Variants in CUX1 observed in about 807,000 individuals in gnomAD.
CUX1 encodes protein CASP.
A neutral mutation model predicts 158.8 loss-of-function variants in CUX1; 31 were observed. That is an observed-to-expected ratio of 0.20 (90% CI 0.15 to 0.26). The LOEUF is 0.26. CUX1 is among the 10% of genes least tolerant of loss of function. The probability of loss-of-function intolerance (pLI) is 1.00; values close to 1 mark genes in which losing one functional copy is unlikely to be tolerated. For synonymous variants in CUX1, 879 were observed against 862.1 expected, an observed-to-expected ratio of 1.02 and a Z score of -0.34; for missense variants, 1,589 against 2,014.6, an observed-to-expected ratio of 0.79 and a Z score of 4.04.
chr7:102,233,832 G>A (rs896415253), intron 21 of CUX1, among the ~76,000 whole-genome samples: 2 of 152,080 alleles, frequency 1.3e-5, no homozygotes, highest in East Asian at 1.9e-4. Flanking sequence ...TTGTGTGTAC[G>A]GAGAATGCAA....
intron 20 of CUX1, among the ~76,000 whole-genome samples, chr7:102,208,962 T>C (rs567063039): frequency 2.0e-5 from 3 of 152,312 alleles, no homozygotes; most frequent in Admixed American, 2.0e-4. Flanking sequence ...GCAGGGACTT[T>C]GGACAACTTG....
chr7:102,223,652 T>C (rs1240802700), intron 20 of CUX1, among the ~76,000 whole-genome samples: 1 of 151,984 alleles, frequency 6.6e-6, no homozygotes, highest in East Asian at 1.9e-4. Context: ...CTCTGTTCCA[T>C]GCAATTAAAA....
rs938119813 is a variant in CUX1 at position 102,254,143 on chromosome 7, C to T, written c.*5101C>T. The T allele has an allele frequency of 3.0e-6, 3 of 985,328 alleles. No homozygotes were observed. The highest frequency in any genetic ancestry group is 3.6e-6 in the Non-Finnish European group (3 of 829,964). The allele number at this position is 985,328 out of a possible 1,614,324, so 61.0% of individuals were successfully genotyped here. On this transcript the variant is annotated 3_prime_UTR_variant, in exon 24 of 24. Transcript: ENST00000292535. ...GCAAGGCACACGGATGTTTCCCTTCCACCTGTTCCCAAAGCTCCAGCAGCT... is the reference window on the plus strand; with the variant it reads ...GCAAGGCACACGGATGTTTCCCTTCTACCTGTTCCCAAAGCTCCAGCAGCT...
chr7:102,187,354 C>A (rs1034635830), intron 11 of CUX1, among the ~76,000 whole-genome samples: 1 of 151,680 alleles, frequency 6.6e-6, no homozygotes, highest in Non-Finnish European at 1.5e-5. Flanking sequence ...AAAAAAAAAA[C>A]AAAGAGTCCC....
chr7:102,248,933 A>C lies in CUX1; in HGVS notation c.4409A>C (p.Asp1470Ala). Residue 1470 changes from aspartate (D) to alanine (A), a missense_variant, in exon 24 of 24, where the codon GAC (aspartate) becomes GCC (alanine). Transcript: ENST00000292535. The surrounding 1 kb of genome is among the most constrained non-coding windows in gnomAD (Gnocchi z 5.8). The part of the protein sequence containing the change: ...FGLPEAAGAR[D>A]SRDNPLRKKK... The stretch of plus-strand genomic sequence containing the variant: ...CTCCCCGAGGCCGCGGGCGCCCGGG[A>C]CTCGCGCGACAACCCCCTGCGCAAG... 6.8e-7 allele frequency: 1 copy of C among 1,475,328 alleles called. No individual in the cohort carries two copies. The highest frequency in any genetic ancestry group is 9.0e-7 in the Non-Finnish European group (1 of 1,108,292). 91.4% of individuals were successfully genotyped at this position (1,475,328 alleles called of 1,614,324 possible).
At chr7:101,902,335 A>G (rs573360543) in intron 1 of CUX1, among the ~76,000 whole-genome samples, 12 of 152,054 alleles carry the variant, frequency 7.9e-5, no homozygotes, top group African/African-American at 2.9e-4. Context: ...TATCCTCAGG[A>G]CCTGGGGGTC....
At chr7:101,816,586 G>T (rs1351837082), upstream of CUX1, among the ~76,000 whole-genome samples, 2 of 142,262 alleles carry the variant, frequency 1.4e-5, no homozygotes, top group African/African-American at 5.0e-5. Flanking sequence ...CCGCCCGCTC[G>T]CCCCGCGCCC....
intron 3 of CUX1, among the ~76,000 whole-genome samples, chr7:102,033,973 C>G (rs1289492525): frequency 6.6e-6 from 1 of 151,396 alleles, no homozygotes; most frequent in Non-Finnish European, 1.5e-5. Context: ...TGGTGCAACC[C>G]CATCTCTACT....
In CUX1 at chr7:102,226,694, A is replaced by C. The variant is rs113725629; in HGVS notation, c.3131-673A>C. ...CACCCAGGCTGGAGTGCAGTGGCAC[A>C]ATCTTGGCTCACTGCAACCTCCACC... On this transcript the variant is annotated intron_variant, in intron 20 of 23. Transcript: ENST00000292535. 2.5e-3 allele frequency among the ~76,000 whole-genome samples: 383 copies of C among 152,172 alleles called. 2 individuals carry two copies. The highest frequency in any genetic ancestry group is 8.8e-3 in the African/African-American group (367 of 41,524).
chr7:101,915,271 G>A lies in CUX1; in HGVS notation c.31-844G>A, dbSNP rs1363274274. 2.0e-5 allele frequency among the ~76,000 whole-genome samples: 3 copies of A among 152,246 alleles called. No homozygotes were observed. The East Asian group carries it at 5.8e-4, about 30-fold the overall frequency. ...AGGCTTGTTGGAAACAGATCCTCTT[G>A]GCAGCTCTTCCCAGAATTTCTGAGG... On this transcript the variant is annotated intron_variant, in intron 1 of 23. Coordinates refer to ENST00000292535, the MANE Select transcript of CUX1 (RefSeq NM_181552.4).
At chr7:101,821,545 A>G (rs1352796378) in intron 1 of CUX1, among the ~76,000 whole-genome samples, 3 of 150,456 alleles carry the variant, frequency 2.0e-5, no homozygotes, top group Non-Finnish European at 4.4e-5. Context: ...TCACCGTGTT[A>G]GCCCGGATGG....
At chr7:102,231,383 C>T (rs951039001) in intron 21 of CUX1, among the ~76,000 whole-genome samples, 5 of 151,494 alleles carry the variant, frequency 3.3e-5, no homozygotes, top group African/African-American at 1.2e-4. Flanking sequence ...AGGCTGGTCT[C>T]AAAACTCCTA....
chr7:101,857,433 C>G (rs927142598), intron 1 of CUX1, among the ~76,000 whole-genome samples: 1 of 152,252 alleles, frequency 6.6e-6, no homozygotes. Flanking sequence ...CTTACATAGT[C>G]TGCTTTTGGT....
intron 3 of CUX1, among the ~76,000 whole-genome samples, chr7:102,051,298 T>G (rs1359855279): frequency 2.6e-5 from 4 of 152,002 alleles, no homozygotes; most frequent in Non-Finnish European, 5.9e-5. Flanking sequence ...TGCCCTAAGT[T>G]TGCAAAACAC....
In CUX1 at chr7:102,111,683, C is replaced by T. The variant is rs369001662; in HGVS notation, c.531-15C>T. 514 of 1,613,842 alleles carry T rather than the reference C, an allele frequency of 3.2e-4. No individual in the cohort carries two copies. Among genetic ancestry groups the T allele is most frequent in the Non-Finnish European group, 4.3e-4 (504 of 1,179,854 alleles). On this transcript the variant is annotated splice_polypyrimidine_tract_variant and intron_variant, in intron 6 of 23. Transcript: ENST00000292535. ...AAGGAGATGACCAATTTGGCTTCGT[C>T]CTCTTCCTTTGCAGAAAGCTGCAGG...
At chr7:102,164,970 A>G (rs1487229192) in intron 9 of CUX1, among the ~76,000 whole-genome samples, 4 of 152,154 alleles carry the variant, frequency 2.6e-5, no homozygotes, top group Non-Finnish European at 5.9e-5. Flanking sequence ...TTCAAAGGCC[A>G]CACTCTGAAA....
rs142996819 is a variant in CUX1 at position 102,264,376 on chromosome 7, G to A, written c.1256-8990G>A. Among the ~76,000 whole-genome samples, 23 of 152,292 alleles carry A rather than the reference G, an allele frequency of 1.5e-4. No homozygotes were observed. In the East Asian group the frequency reaches 3.3e-3, roughly 22 times the overall value. On this transcript the variant is annotated intron_variant, in intron 14 of 22. Coordinates refer to the CUX1 transcript ENST00000292538. The stretch of plus-strand genomic sequence containing the variant: ...CCCTGCAGATGTGAGAAGGAAGGAC[G>A]TTCTAGGCAGTGAGAACTGCCAGTT...
At chr7:101,976,833 T>G (rs1367981005) in intron 2 of CUX1, among the ~76,000 whole-genome samples, 1 of 151,582 alleles carries the variant, frequency 6.6e-6, no homozygotes, top group Admixed American at 6.6e-5. Context: ...TTCCCGAGAT[T>G]TAAATTTGAC....
At position 102,249,741 on chromosome 7, in the gene CUX1, C is replaced by T. The variant is rs536802593; in HGVS notation, c.*699C>T. On this transcript the variant is annotated 3_prime_UTR_variant, in exon 24 of 24. Transcript: ENST00000292535. ...AGTTTTTGTAGCTGTTCAGTTGCCA[C>T]TAAGAGATTGCACAGTCAAAACGAC... is the stretch of plus-strand genomic sequence containing the variant. The T allele has an allele frequency of 2.1e-4, 189 of 881,920 alleles. No individual in the cohort carries two copies. The African/African-American group carries it at 3.3e-3, about 16-fold the overall frequency. 54.6% of individuals were successfully genotyped at this position (881,920 alleles called of 1,614,324 possible).
Sources: gnomAD v4.1 joint callset for allele counts (sites outside exome capture counted in the v4.1 genomes callset) on GRCh38, gnomAD v4.1.1 for gene constraint, Gnocchi (gnomAD v3.1) non-coding constraint, MANE v1.5 for transcripts, NCBI Gene and HGNC (gene_info 2026-07-23, HGNC 2026-07-21) for gene names.